NUDT3: variants seen among roughly 807,000 people sequenced by gnomAD.
The protein encoded by NUDT3 is nudix hydrolase 3, also known as diphosphoinositol polyphosphate phosphohydrolase 1.
A neutral mutation model predicts 23.6 loss-of-function variants in NUDT3; 9 were observed. The ratio of observed to expected loss-of-function variants is 0.38; its 90% confidence interval spans 0.23 to 0.66. The LOEUF is 0.66. NUDT3 is among the 30% of genes least tolerant of loss of function. NUDT3 has a pLI of 0.52. For synonymous variants in NUDT3, 86 were observed against 82.6 expected, an observed-to-expected ratio of 1.04 and a Z score of -0.22; for missense variants, 172 against 218.5, an observed-to-expected ratio of 0.79 and a Z score of 1.34.
At position 34,392,570 on chromosome 6, in the gene NUDT3, GGCTGCCGTCTCC is replaced by G. The variant is rs1284321361; in HGVS notation, c.-220_-209del. ...CCCGCGCCGCCGCTGCCACCGTCACGGCTGCCGTCTCCGCTGCCGCCAGGGCCGCCGCCCCCT... is the reference window on the plus strand; with the variant it reads ...CCCGCGCCGCCGCTGCCACCGTCACGGCTGCCGCCAGGGCCGCCGCCCCCT... On this transcript the variant is annotated 5_prime_UTR_variant, in exon 1 of 5. Coordinates refer to ENST00000607016, the MANE Select transcript of NUDT3 (RefSeq NM_006703.4). The G allele has an allele frequency of 5.6e-6, 2 of 357,124 alleles. No individual in the cohort carries two copies. The highest frequency in any genetic ancestry group is 8.2e-5 in the South Asian group (1 of 12,148). The allele number at this position is 357,124 out of a possible 1,614,324, so 22.1% of individuals were successfully genotyped here. A position where few individuals can be genotyped will look rare whatever the true frequency, so the allele number is the denominator to read the frequency against.
chr6:34,348,196 G>GA (rs1441351744), intron 1 of NUDT3, among the ~76,000 whole-genome samples: 5 of 151,724 alleles, frequency 3.3e-5, no homozygotes, highest in Admixed American at 3.3e-4. Context: ...TGAGGCAGGA[G>GA]AATCGCTAAA....
At chr6:34,389,903 G>T (rs1207715292) in intron 1 of NUDT3, among the ~76,000 whole-genome samples, 1 of 151,702 alleles carries the variant, frequency 6.6e-6, no homozygotes, top group Non-Finnish European at 1.5e-5. Context: ...GGCGGAGCTT[G>T]CAGTGAGCCG....
chr6:34,358,194 A>G (rs1764592718), intron 1 of NUDT3, among the ~76,000 whole-genome samples: 1 of 151,558 alleles, frequency 6.6e-6, no homozygotes, highest in African/African-American at 2.4e-5. Flanking sequence ...TCTTTTTCAG[A>G]GTTTTACTGG....
At chr6:34,303,441 T>C (rs1043845238) in intron 2 of NUDT3, among the ~76,000 whole-genome samples, 27 of 152,106 alleles carry the variant, frequency 1.8e-4, no homozygotes, top group African/African-American at 6.3e-4. Flanking sequence ...TCTTTACAAT[T>C]TGTATTTATT....
At chr6:34,328,595 C>A (rs1764079274) in intron 2 of NUDT3, among the ~76,000 whole-genome samples, 1 of 152,142 alleles carries the variant, frequency 6.6e-6, no homozygotes, top group Non-Finnish European at 1.5e-5. Context: ...GCAATCACAG[C>A]TCACTGCAGC....
chr6:34,292,934 G>A (rs1042478566), intron 4 of NUDT3, among the ~76,000 whole-genome samples: 1 of 152,330 alleles, frequency 6.6e-6, no homozygotes, highest in African/African-American at 2.4e-5. Context: ...GCTTCTATTT[G>A]TGGACCATGT....
chr6:34,356,986 C>T (rs556266152), intron 1 of NUDT3, among the ~76,000 whole-genome samples: 4 of 152,144 alleles, frequency 2.6e-5, no homozygotes, highest in Admixed American at 2.6e-4. Flanking sequence ...ACCGTGTTAG[C>T]CAGGATGGTC....
intron 2 of NUDT3, among the ~76,000 whole-genome samples, chr6:34,337,756 C>A (rs1764230574): frequency 6.6e-6 from 1 of 152,222 alleles, no homozygotes; most frequent in Admixed American, 6.5e-5. Context: ...AAAAGTAGAA[C>A]TGCCAGAGAT....
chr6:34,332,199 C>T (rs774600630), intron 2 of NUDT3, among the ~76,000 whole-genome samples: 1 of 152,124 alleles, frequency 6.6e-6, no homozygotes, highest in East Asian at 1.9e-4. Flanking sequence ...GACCAGCAGC[C>T]TTACCAATAA....
At chr6:34,339,057 A>T (rs1764251521) in intron 2 of NUDT3, among the ~76,000 whole-genome samples, 1 of 152,198 alleles carries the variant, frequency 6.6e-6, no homozygotes, top group African/African-American at 2.4e-5. Flanking sequence ...GATCAGGAAG[A>T]TGCCAAATAA....
intron 1 of NUDT3, among the ~76,000 whole-genome samples, chr6:34,367,437 G>A (rs1224156063): frequency 2.7e-5 from 4 of 150,774 alleles, no homozygotes; most frequent in Admixed American, 1.3e-4. Context: ...AGCCGAGATC[G>A]CACCATTGAA....
intron 2 of NUDT3, among the ~76,000 whole-genome samples, chr6:34,340,585 G>T (rs767321564): frequency 1.3e-5 from 2 of 152,066 alleles, no homozygotes; most frequent in Non-Finnish European, 2.9e-5. Flanking sequence ...GTTCTACCCG[G>T]GTTAGCCTCC....
rs1763330496 is a variant in NUDT3, at chr6:34,286,086, C to CTTAT, written c.*2663_*2666dup. The CTTAT allele has an allele frequency of 6.6e-6, 1 of 151,858 alleles. No individual in the cohort carries two copies. Among genetic ancestry groups the CTTAT allele is most frequent in the Non-Finnish European group, 1.5e-5 (1 of 67,946 alleles). 9.4% of individuals were successfully genotyped at this position (151,858 alleles called of 1,614,324 possible). On this transcript the variant is annotated 3_prime_UTR_variant, in exon 5 of 5. Coordinates refer to ENST00000607016, the MANE Select transcript of NUDT3 (RefSeq NM_006703.4). ...TAGCACTGCAGTTCCGTTTTATTTT[C>CTTAT]TTATTTATTTATTAAGACAGAGTCT...
intron 1 of NUDT3, among the ~76,000 whole-genome samples, chr6:34,382,531 T>C (rs765036179): frequency 2.6e-5 from 4 of 152,022 alleles, no homozygotes; most frequent in East Asian, 1.9e-4. Flanking sequence ...CATGGTTAGG[T>C]ATAGTGGCTC....
At chr6:34,375,966 A>G (rs1315730684) in intron 1 of NUDT3, among the ~76,000 whole-genome samples, 1 of 152,108 alleles carries the variant, frequency 6.6e-6, no homozygotes, top group Non-Finnish European at 1.5e-5. Flanking sequence ...CCCTACGCTC[A>G]GTTTTGCTTT....
At chr6:34,376,197 C>G (rs894875519) in intron 1 of NUDT3, among the ~76,000 whole-genome samples, 1 of 152,198 alleles carries the variant, frequency 6.6e-6, no homozygotes, top group Non-Finnish European at 1.5e-5. Context: ...TTTCTCCTGT[C>G]ACCCAGGATC....
chr6:34,366,381 G>T (rs902180299), intron 1 of NUDT3, among the ~76,000 whole-genome samples: 1 of 146,064 alleles, frequency 6.8e-6, no homozygotes, highest in Non-Finnish European at 1.5e-5. Context: ...GTCGAAAAAA[G>T]AAAAGAAAAG....
intron 4 of NUDT3, among the ~76,000 whole-genome samples, chr6:34,292,400 C>T (rs206941): frequency 0.33 from 49,619 of 151,946 alleles, 9,713 homozygotes; most frequent in African/African-American, 0.51. Context: ...TTCTAGAATA[C>T]ACTTTCCTTC....
rs1763311343 is a variant in NUDT3, at chr6:34,284,458, G to A, written c.*4295C>T. 6.6e-6 allele frequency: 1 copy of A among 151,008 alleles called. No individual in the cohort carries two copies. The highest frequency in any genetic ancestry group is 2.1e-4 in the South Asian group (1 of 4,790). 9.4% of individuals were successfully genotyped at this position (151,008 alleles called of 1,614,324 possible). A position where few individuals can be genotyped will look rare whatever the true frequency, so the allele number is the denominator to read the frequency against. On this transcript the variant is annotated 3_prime_UTR_variant, in exon 5 of 5. Transcript: ENST00000607016. ...TAGAGAATATTAAAATCACACAGTT[G>A]TGGCAAAAATCACATTGTGGCTATT... is the stretch of plus-strand genomic sequence containing the variant.
Sources: gnomAD v4.1 joint callset for allele counts (sites outside exome capture counted in the v4.1 genomes callset) on GRCh38, gnomAD v4.1.1 for gene constraint, MANE v1.5 for transcripts, NCBI Gene and HGNC (gene_info 2026-07-23, HGNC 2026-07-21) for gene names.